The following ZNF385D variants were observed in gnomAD, a reference collection of about 807,000 sequenced individuals.
ZNF385D encodes zinc finger protein 385D, also known as zinc finger protein 659.
A neutral mutation model predicts 35.8 loss-of-function variants in ZNF385D; 15 were observed. That is an observed-to-expected ratio of 0.42 (90% CI 0.28 to 0.64). ZNF385D has a LOEUF of 0.64. ZNF385D is among the 30% of genes least tolerant of loss of function. The probability of loss-of-function intolerance (pLI) is 0.23; values close to 1 mark genes in which losing one functional copy is unlikely to be tolerated. For missense variants in ZNF385D, 474 were observed against 494.6 expected (o/e 0.96, Z 0.39); for synonymous variants, 212 against 186.8 (o/e 1.13, Z -1.10).
At chr3:22,254,524 A>G (rs1700217246) in intron 2 of ZNF385D, among the ~76,000 whole-genome samples, 2 of 151,938 alleles carry the variant, frequency 1.3e-5, no homozygotes, top group African/African-American at 4.8e-5. Flanking sequence ...TAAAATATGT[A>G]TATTTCCTAA....
At chr3:21,632,655 G>A (rs1182588923) in intron 2 of ZNF385D, among the ~76,000 whole-genome samples, 1 of 152,068 alleles carries the variant, frequency 6.6e-6, no homozygotes, top group African/African-American at 2.4e-5. Context: ...CTTTAATGAA[G>A]GAAACCAAAG....
At chr3:22,183,550 GT>G (rs1473435347) in intron 2 of ZNF385D, among the ~76,000 whole-genome samples, 4 of 152,038 alleles carry the variant, frequency 2.6e-5, no homozygotes, top group Non-Finnish European at 5.9e-5. Flanking sequence ...TAGAGACGGT[GT>G]TTCACCATAT....
At chr3:21,837,945 A>G (rs957112391) in intron 3 of ZNF385D, among the ~76,000 whole-genome samples, 1 of 151,874 alleles carries the variant, frequency 6.6e-6, no homozygotes, top group Non-Finnish European at 1.5e-5. Context: ...GACGGTGAGT[A>G]GAGGAAGGGA....
intron 4 of ZNF385D, among the ~76,000 whole-genome samples, chr3:21,446,781 C>T (rs943458100): frequency 5.0e-5 from 6 of 119,486 alleles, no homozygotes; most frequent in Non-Finnish European, 3.5e-5. Context: ...GCGTGAGCCA[C>T]CGTGCCTGGC....
chr3:21,705,508 T>A (rs1461968185), intron 1 of ZNF385D, among the ~76,000 whole-genome samples: 4 of 152,224 alleles, frequency 2.6e-5, no homozygotes, highest in African/African-American at 9.6e-5. Context: ...CTTATTGATC[T>A]CAATGATCCT....
At chr3:22,151,942 T>G (rs1052641665) in intron 3 of ZNF385D, among the ~76,000 whole-genome samples, 2 of 152,176 alleles carry the variant, frequency 1.3e-5, no homozygotes, top group Non-Finnish European at 2.9e-5. Context: ...ACAGGTTATT[T>G]AATCACTCAG....
intron 5 of ZNF385D, among the ~76,000 whole-genome samples, chr3:21,426,053 A>G (rs568865405): frequency 6.6e-6 from 1 of 152,288 alleles, no homozygotes; most frequent in South Asian, 2.1e-4. Flanking sequence ...ATACCTGATG[A>G]GGAAGAGTCA....
At chr3:21,694,666 G>A (rs1335688152) in intron 1 of ZNF385D, among the ~76,000 whole-genome samples, 1 of 152,180 alleles carries the variant, frequency 6.6e-6, no homozygotes, top group African/African-American at 2.4e-5. Context: ...GCTCATTTGT[G>A]TGCATCTAGA....
At chr3:22,164,429 A>C (rs781287751) in intron 3 of ZNF385D, among the ~76,000 whole-genome samples, 6 of 151,344 alleles carry the variant, frequency 4.0e-5, no homozygotes, top group African/African-American at 1.5e-4. Context: ...GGGTTTCACC[A>C]TGTTTGCCAG....
intron 3 of ZNF385D, among the ~76,000 whole-genome samples, chr3:21,780,676 A>G (rs1214251928): frequency 6.6e-6 from 1 of 152,076 alleles, no homozygotes; most frequent in Non-Finnish European, 1.5e-5. Context: ...ATTGTATTTT[A>G]CATTAGACTA....
At chr3:22,023,760 A>G (rs1315223338) in intron 3 of ZNF385D, among the ~76,000 whole-genome samples, 2 of 152,110 alleles carry the variant, frequency 1.3e-5, no homozygotes, top group African/African-American at 4.8e-5. Context: ...TGTAGATCCT[A>G]TATTGCTAAA....
chr3:22,021,229 A>G (rs1248720318), intron 3 of ZNF385D, among the ~76,000 whole-genome samples: 2 of 151,926 alleles, frequency 1.3e-5, no homozygotes, highest in African/African-American at 4.8e-5. Context: ...ACAAAATAGT[A>G]CTTGTACCTG....
intron 3 of ZNF385D, among the ~76,000 whole-genome samples, chr3:22,078,736 T>C (rs910197055): frequency 5.9e-5 from 9 of 152,114 alleles, no homozygotes; most frequent in African/African-American, 2.2e-4. Context: ...TATTGGCAAG[T>C]TGCAGAAGTA....
At position 21,853,091 on chromosome 3, in the gene ZNF385D, GAA is replaced by G. The variant is rs145141986; in HGVS notation, c.326-188065_326-188064del. Among the ~76,000 whole-genome samples, 579 of 151,846 alleles carry G rather than the reference GAA, an allele frequency of 3.8e-3. 11 individuals carry two copies. In the East Asian group the frequency reaches 0.075, roughly 20 times the overall value. On this transcript the variant is annotated intron_variant, in intron 3 of 5. Transcript: ENST00000494108. ...TCAAAAAACTGACTTCAAAGAAATT[GAA>G]AAGAGTGTGTGATCAAACTAAACAT...
At chr3:22,327,573 T>G (rs990416646) in intron 2 of ZNF385D, among the ~76,000 whole-genome samples, 4 of 152,224 alleles carry the variant, frequency 2.6e-5, no homozygotes, top group African/African-American at 7.2e-5. Context: ...TCCTGAAGAC[T>G]AACACAAATC....
chr3:22,242,894 T>C lies in ZNF385D; in HGVS notation c.107-73859A>G, dbSNP rs142388958. On this transcript the variant is annotated intron_variant, in intron 2 of 5. Coordinates refer to the ZNF385D transcript ENST00000494108. The stretch of plus-strand genomic sequence containing the variant: ...GAAGAGGGGTATACAGAAACTAATG[T>C]TCTGTTAGATTTATAGAAGAGCAAA... Among the ~76,000 whole-genome samples, 555 of 151,094 alleles carry C rather than the reference T, an allele frequency of 3.7e-3. 21 individuals carry two copies. The highest frequency in any genetic ancestry group is 0.013 in the African/African-American group (530 of 40,980).
intron 3 of ZNF385D, among the ~76,000 whole-genome samples, chr3:21,880,320 T>C (rs983124462): frequency 6.6e-6 from 1 of 152,026 alleles, no homozygotes; most frequent in Non-Finnish European, 1.5e-5. Context: ...CAAGCTTCTA[T>C]TGGCACCATT....
At chr3:21,885,740 C>CTGTGTG (rs3074769) in intron 3 of ZNF385D, among the ~76,000 whole-genome samples, 1,567 of 101,236 alleles carry the variant, frequency 0.015, 15 homozygotes, top group South Asian at 0.03. Context: ...GTGTCTGTGT[C>CTGTGTG]TGTGTGTGTG....
At chr3:21,603,912 A>G (rs918538794) in intron 2 of ZNF385D, among the ~76,000 whole-genome samples, 6 of 152,288 alleles carry the variant, frequency 3.9e-5, no homozygotes, top group Admixed American at 3.9e-4. Context: ...AGTTCTGGCT[A>G]ATGAAATAGG....
Sources: allele counts gnomAD v4.1 joint callset (sites outside exome capture counted in the v4.1 genomes callset), GRCh38; gene constraint gnomAD v4.1.1; transcripts MANE v1.5; gene names NCBI Gene and HGNC (gene_info 2026-07-23, HGNC 2026-07-21).